Variants in MED12L observed in about 807,000 individuals in gnomAD.
MED12L encodes mediator complex subunit 12L, also known as mediator of RNA polymerase II transcription subunit 12-like protein.
A neutral mutation model predicts 281.3 loss-of-function variants in MED12L; 60 were observed. The ratio of observed to expected loss-of-function variants is 0.21; its 90% CI spans 0.17 to 0.26. The LOEUF is 0.26. Ranked by LOEUF, MED12L falls within the 10% of genes least tolerant of loss-of-function variation. The pLI, the probability that MED12L is intolerant of heterozygous loss-of-function variation, is 1.00. For synonymous variants in MED12L, 974 were observed against 987.2 expected (o/e 0.99, Z 0.25); for missense variants, 2,146 against 2,680.9 (o/e 0.80, Z 4.41).
chr3:151,342,485 T>G (rs556441091), intron 16 of MED12L, among the ~76,000 whole-genome samples: 5 of 152,302 alleles, frequency 3.3e-5, no homozygotes, highest in South Asian at 2.1e-4. Flanking sequence ...AAATGCACAT[T>G]TTTGGGCACC....
At chr3:151,385,877 G>A (rs893691213) in intron 36 of MED12L, among the ~76,000 whole-genome samples, 1 of 152,120 alleles carries the variant, frequency 6.6e-6, no homozygotes, top group Non-Finnish European at 1.5e-5. Context: ...AAATTGGTCA[G>A]TTACTCTTTT....
At position 151,388,124 on chromosome 3, in the gene MED12L, G is replaced by A; in HGVS notation, c.5403G>A (p.Lys1801=). The part of the protein sequence containing the change: ...DQGKTTTDEE[K]KTKGRKRKTK... ...GAAAAACCACAACAGATGAAGAAAAGAAAACAAAAGGAAGGAAGCGCAAGA... is the reference window on the plus strand; with the variant it reads ...GAAAAACCACAACAGATGAAGAAAAAAAAACAAAAGGAAGGAAGCGCAAGA... The change falls in exon 37 of 45, where the codon AAG becomes AAA. Residue 1801 remains lysine (K), a synonymous_variant. Coordinates refer to ENST00000687756, the MANE Select transcript of MED12L (RefSeq NM_001393769.1). 6.2e-7 allele frequency: 1 copy of A among 1,610,476 alleles called. No homozygotes were observed. The highest frequency in any genetic ancestry group is 8.5e-7 in the Non-Finnish European group (1 of 1,179,534).
chr3:151,182,292 A>AT (rs1230402435), intron 11 of MED12L, among the ~76,000 whole-genome samples: 7 of 148,386 alleles, frequency 4.7e-5, no homozygotes, highest in Non-Finnish European at 8.8e-5. Context: ...CTAAATTAGA[A>AT]TGAGTTTTTT....
chr3:151,388,575 T>C (rs1324956260), intron 37 of MED12L, among the ~76,000 whole-genome samples: 1 of 152,238 alleles, frequency 6.6e-6, no homozygotes, highest in African/African-American at 2.4e-5. Context: ...CATAAAAAGC[T>C]CTATTTGGTT....
intron 16 of MED12L, among the ~76,000 whole-genome samples, chr3:151,288,602 G>T (rs973209453): frequency 6.6e-6 from 1 of 152,148 alleles, no homozygotes; most frequent in Non-Finnish European, 1.5e-5. Flanking sequence ...AAATAGTTCT[G>T]CCTAAGCATT....
intron 5 of MED12L, among the ~76,000 whole-genome samples, chr3:151,141,102 T>C (rs1716868653): frequency 6.6e-6 from 1 of 151,500 alleles, no homozygotes; most frequent in Non-Finnish European, 1.5e-5. Context: ...CTCCTGACCT[T>C]GTGATCCACC....
intron 16 of MED12L, among the ~76,000 whole-genome samples, chr3:151,265,839 A>G (rs1364754803): frequency 2.6e-5 from 4 of 152,184 alleles, no homozygotes; most frequent in Non-Finnish European, 5.9e-5. Context: ...CAGAACACCT[A>G]TGAAATTGGA....
chr3:151,426,274 G>A (rs986446886), intron 43 of MED12L, among the ~76,000 whole-genome samples: 1 of 152,186 alleles, frequency 6.6e-6, no homozygotes, highest in East Asian at 1.9e-4. Context: ...GTCCCGGGAG[G>A]ATAATCCTTT....
chr3:151,104,653 A>G (rs1721786658), intron 2 of MED12L, among the ~76,000 whole-genome samples: 1 of 152,120 alleles, frequency 6.6e-6, no homozygotes. Context: ...TTCATTTCCT[A>G]GGGCTGCTGT....
intron 16 of MED12L, among the ~76,000 whole-genome samples, chr3:151,196,408 T>C (rs1724667982): frequency 6.6e-6 from 1 of 152,182 alleles, no homozygotes; most frequent in African/African-American, 2.4e-5. Flanking sequence ...TAGCTTCTCA[T>C]TGCATGTGAG....
intron 16 of MED12L, among the ~76,000 whole-genome samples, chr3:151,222,438 G>T (rs919465594): frequency 1.3e-5 from 2 of 152,188 alleles, no homozygotes; most frequent in African/African-American, 2.4e-5. Context: ...TAATTTCCAT[G>T]TGTTGTGGGA....
chr3:151,201,934 A>G (rs936327227), intron 16 of MED12L, among the ~76,000 whole-genome samples: 2 of 152,198 alleles, frequency 1.3e-5, no homozygotes, highest in Non-Finnish European at 2.9e-5. Context: ...ACAACTATAA[A>G]ATAAGTCTGT....
intron 11 of MED12L, among the ~76,000 whole-genome samples, chr3:151,182,497 G>A (rs1313668935): frequency 6.6e-6 from 1 of 152,176 alleles, no homozygotes; most frequent in African/African-American, 2.4e-5. Context: ...GGTGGCCAGG[G>A]AGCCTCTGGT....
intron 16 of MED12L, among the ~76,000 whole-genome samples, chr3:151,318,805 G>A (rs1748622980): frequency 6.6e-6 from 1 of 152,232 alleles, no homozygotes; most frequent in South Asian, 2.1e-4. Flanking sequence ...GCTTGTGAGG[G>A]GCCTATGAAA....
At chr3:151,109,236 A>C (rs951145518) in intron 2 of MED12L, among the ~76,000 whole-genome samples, 1 of 151,884 alleles carries the variant, frequency 6.6e-6, no homozygotes, top group Non-Finnish European at 1.5e-5. Context: ...TTTGTATTTT[A>C]AGTAGAGACG....
In MED12L at chr3:151,387,851, C is replaced by T. The variant is rs1215974116; in HGVS notation, c.5130C>T (p.Asp1710=). 6.2e-7 allele frequency: 1 copy of T among 1,614,012 alleles called. No homozygotes were observed. The highest frequency in any genetic ancestry group is 1.7e-5 in the Admixed American group (1 of 60,012). ...VSTKQKVSPW[D]LFEGQKNPAP... Reference sequence around the variant, plus strand: ...CGAAGCAGAAGGTGTCCCCGTGGGACTTGTTTGAGGGTCAGAAGAACCCAG... The same window carrying T: ...CGAAGCAGAAGGTGTCCCCGTGGGATTTGTTTGAGGGTCAGAAGAACCCAG... The change falls in exon 37 of 45, where the codon GAC becomes GAT. Residue 1710 remains aspartate, a synonymous_variant. Transcript: ENST00000687756.
chr3:151,334,282 A>G (rs1750714825), intron 16 of MED12L, among the ~76,000 whole-genome samples: 1 of 141,664 alleles, frequency 7.1e-6, no homozygotes. Flanking sequence ...ATTTCTCACT[A>G]CCTATTGATT....
Position 151,337,396 on chromosome 3 carries a change from A to AT in MED12L, c.2251-12659dup, listed in dbSNP as rs200041386. 797 of 189,072 alleles carry AT rather than the reference A, an allele frequency of 4.2e-3. 3 individuals carry two copies. Among genetic ancestry groups the AT allele is most frequent in the Non-Finnish European group, 7.1e-3 (641 of 90,018 alleles). 11.7% of individuals were successfully genotyped at this position (189,072 alleles called of 1,614,324 possible). On this transcript the variant is annotated intron_variant, in intron 16 of 44. Transcript: ENST00000687756. ...GGTTAGGGGACTAGGATATATATAC[A>AT]TTTTAACTATCATTTTTGGTAAGAA...
At chr3:151,151,031 C>CTGTTTTTTTTTTTTTTTTTTTTTTT (rs1718397799) in intron 5 of MED12L, among the ~76,000 whole-genome samples, 1 of 32,880 alleles carries the variant, frequency 3.0e-5, no homozygotes, top group Admixed American at 4.0e-4. Flanking sequence ...GCTGAAGTAG[C>CTGTTTTTTTTTTTTTTTTTTTTTTT]TTTTTTTTTT....
Sources: gnomAD v4.1 joint callset for allele counts (sites outside exome capture counted in the v4.1 genomes callset) on GRCh38, gnomAD v4.1.1 for gene constraint, MANE v1.5 for transcripts, NCBI Gene and HGNC (gene_info 2026-07-23, HGNC 2026-07-21) for gene names.